The following COG5 variants were observed in gnomAD, a reference collection of about 807,000 sequenced individuals.
COG5 encodes component of oligomeric golgi complex 5, also known as conserved oligomeric Golgi complex subunit 5.
In COG5, 86 loss-of-function variants were observed where a neutral mutation model predicts 110.4. The observed-to-expected ratio is 0.78, with a 90% CI of 0.65 to 0.93. The LOEUF (loss-of-function observed/expected upper bound fraction) is 0.93. COG5 is among the 40% of genes least tolerant of loss of function. The probability of loss-of-function intolerance (pLI) is 0.00; values close to 1 mark genes in which losing one functional copy is unlikely to be tolerated. For missense variants in COG5, 1,077 were observed against 987.0 expected (o/e 1.09, Z -1.22); for synonymous variants, 360 against 334.6 (o/e 1.08, Z -0.83).
intron 10 of COG5, among the ~76,000 whole-genome samples, chr7:107,358,369 A>G (rs1187470431): frequency 1.3e-5 from 2 of 152,240 alleles, no homozygotes; most frequent in African/African-American, 4.8e-5. Context: ...TGAAGGCCCA[A>G]TATTAATTAT....
chr7:107,263,733 T>C (rs903459096), intron 14 of COG5, among the ~76,000 whole-genome samples: 1 of 152,238 alleles, frequency 6.6e-6, no homozygotes, highest in African/African-American at 2.4e-5. Flanking sequence ...TCTAATTCTG[T>C]ACATCTGCTC....
At chr7:107,545,563 C>T (rs1454807529) in intron 5 of COG5, among the ~76,000 whole-genome samples, 1 of 151,816 alleles carries the variant, frequency 6.6e-6, no homozygotes, top group African/African-American at 2.4e-5. Context: ...GCAGATCACC[C>T]GAGGTCAGGA....
chr7:107,331,500 T>C (rs1810243533), intron 10 of COG5, among the ~76,000 whole-genome samples: 1 of 151,724 alleles, frequency 6.6e-6, no homozygotes, highest in Non-Finnish European at 1.5e-5. Flanking sequence ...ACTCTGATAA[T>C]AATGTGGAAG....
At position 107,547,907 on chromosome 7, in the gene COG5, C is replaced by T. The variant is rs2712216; in HGVS notation, c.417+204G>A. The T allele has an allele frequency of 0.83, 488,371 of 585,066 alleles. 205,254 individuals are homozygous for T. Among genetic ancestry groups the T allele is most frequent in the East Asian group, 1 (34,791 of 34,816 alleles). 36.2% of individuals were successfully genotyped at this position (585,066 alleles called of 1,614,324 possible). On this transcript the variant is annotated intron_variant, in intron 5 of 21. Transcript: ENST00000297135. The stretch of plus-strand genomic sequence containing the variant: ...AGATATAAGTTAATAAACAATTATA[C>T]ACTGCAATGACAGTGAAAAGAATTT...
intron 13 of COG5, among the ~76,000 whole-genome samples, chr7:107,283,185 G>A (rs973763901): frequency 1.3e-5 from 2 of 152,122 alleles, no homozygotes; most frequent in Non-Finnish European, 2.9e-5. Flanking sequence ...CTGCCATGAA[G>A]CACGTTCTGG....
At chr7:107,331,331 G>A (rs1000240929) in intron 10 of COG5, among the ~76,000 whole-genome samples, 1 of 152,046 alleles carries the variant, frequency 6.6e-6, no homozygotes, top group African/African-American at 2.4e-5. Flanking sequence ...AGCCAGGCGT[G>A]GTGGCGGGTG....
intron 7 of COG5, among the ~76,000 whole-genome samples, chr7:107,400,683 C>G (rs995660429): frequency 1.3e-5 from 2 of 151,928 alleles, no homozygotes; most frequent in Non-Finnish European, 2.9e-5. Context: ...GTAATAACAC[C>G]AAAATACCCT....
At chr7:107,226,124 C>G (rs1800321310) in intron 19 of COG5, among the ~76,000 whole-genome samples, 1 of 152,086 alleles carries the variant, frequency 6.6e-6, no homozygotes, top group Admixed American at 6.5e-5. Context: ...TAGTGATGCA[C>G]TAGGGAGTAT....
At chr7:107,442,633 C>A (rs1444288032) in intron 6 of COG5, among the ~76,000 whole-genome samples, 8 of 127,124 alleles carry the variant, frequency 6.3e-5, no homozygotes, top group African/African-American at 6.3e-5. Context: ...AGGTTTAAAT[C>A]AATTTCACCT....
chr7:107,348,880 G>A (rs946656189), intron 10 of COG5, among the ~76,000 whole-genome samples: 1 of 150,500 alleles, frequency 6.6e-6, no homozygotes, highest in East Asian at 2.0e-4. Context: ...TTTTTTTAAA[G>A]AGATAGGGTC....
intron 5 of COG5, among the ~76,000 whole-genome samples, chr7:107,546,368 A>T (rs930112932): frequency 6.6e-6 from 1 of 152,016 alleles, no homozygotes; most frequent in Non-Finnish European, 1.5e-5. Flanking sequence ...CAGGGCAGAA[A>T]TAAATTAAAT....
At chr7:107,352,140 T>A (rs1490397766) in intron 10 of COG5, among the ~76,000 whole-genome samples, 2 of 148,086 alleles carry the variant, frequency 1.4e-5, no homozygotes, top group Admixed American at 6.8e-5. Flanking sequence ...TAAAAAATGA[T>A]GAGTTCATAT....
chr7:107,258,612 A>G, intron 14 of COG5: 2 of 572,648 alleles, frequency 3.5e-6, no homozygotes, highest in Non-Finnish European at 6.2e-6. Flanking sequence ...TGGATGTGGA[A>G]GCACAATTGG....
rs183704138 is a variant in COG5, at chr7:107,550,365, C to T, written c.293-2033G>A. On this transcript the variant is annotated intron_variant, in intron 3 of 21. Transcript: ENST00000297135. ...TACAGAGCTATCAGAGTAAACTATT[C>T]CGAGTATTAATCTCATCATACAATA... Among the ~76,000 whole-genome samples the T allele has an allele frequency of 2.4e-3, 363 of 152,300 alleles. 1 individual carries two copies. Among genetic ancestry groups the T allele is most frequent in the Non-Finnish European group, 3.8e-3 (258 of 68,026 alleles).
At chr7:107,530,947 G>A (rs1026315611) in intron 5 of COG5, among the ~76,000 whole-genome samples, 2 of 152,012 alleles carry the variant, frequency 1.3e-5, no homozygotes, top group Non-Finnish European at 2.9e-5. Flanking sequence ...AGGATCATGT[G>A]AGCCACCACA....
At chr7:107,270,221 T>C (rs1416480103) in intron 14 of COG5, among the ~76,000 whole-genome samples, 1 of 151,576 alleles carries the variant, frequency 6.6e-6, no homozygotes, top group Admixed American at 6.6e-5. Context: ...CAAAAAGTTC[T>C]CTCTCCGGTT....
chr7:107,512,476 G>A (rs1227466614), intron 6 of COG5, among the ~76,000 whole-genome samples: 19 of 152,174 alleles, frequency 1.2e-4, no homozygotes, highest in Non-Finnish European at 7.4e-5. Flanking sequence ...ACTGCCCAAG[G>A]TAATTTATAG....
chr7:107,345,295 C>A (rs1416055197), intron 10 of COG5, among the ~76,000 whole-genome samples: 1 of 152,006 alleles, frequency 6.6e-6, no homozygotes, highest in African/African-American at 2.4e-5. Context: ...AATATTGCGA[C>A]AATATTACCA....
At chr7:107,405,988 A>G (rs974176877) in intron 7 of COG5, among the ~76,000 whole-genome samples, 1 of 152,186 alleles carries the variant, frequency 6.6e-6, no homozygotes, top group Non-Finnish European at 1.5e-5. Context: ...GAACTGTGAA[A>G]AATAAATTTC....
Sources: allele counts gnomAD v4.1 joint callset (sites outside exome capture counted in the v4.1 genomes callset), GRCh38; gene constraint gnomAD v4.1.1; transcripts MANE v1.5; gene names NCBI Gene and HGNC (gene_info 2026-07-23, HGNC 2026-07-21).